The following DGKB variants were observed in gnomAD, a reference collection of about 807,000 sequenced individuals.
DGKB encodes diacylglycerol kinase beta, also known as 90 kDa diacylglycerol kinase.
In DGKB, 67 loss-of-function variants were observed where a neutral mutation model predicts 114.3. That is an observed-to-expected ratio of 0.59 (90% confidence interval 0.48 to 0.72). The LOEUF is 0.72. Ranked by LOEUF, DGKB falls within the 30% of genes least tolerant of loss-of-function variation. DGKB has a pLI of 0.00. For synonymous variants in DGKB, 398 were observed against 323.1 expected, an observed-to-expected ratio of 1.23 and a Z score of -2.49; for missense variants, 907 against 975.2, an observed-to-expected ratio of 0.93 and a Z score of 0.93.
chr7:14,458,096 G>C (rs558724476), intron 21 of DGKB, among the ~76,000 whole-genome samples: 2 of 152,174 alleles, frequency 1.3e-5, no homozygotes, highest in East Asian at 3.9e-4. Flanking sequence ...ATGCTCTAAA[G>C]ATTCTTTCTC....
At chr7:14,333,952 A>G (rs1220021923) in intron 23 of DGKB, among the ~76,000 whole-genome samples, 1 of 152,214 alleles carries the variant, frequency 6.6e-6, no homozygotes, top group African/African-American at 2.4e-5. Flanking sequence ...GCTTACACGC[A>G]GTTGTGAGCA....
intron 17 of DGKB, among the ~76,000 whole-genome samples, chr7:14,588,989 A>T (rs960396406): frequency 6.6e-6 from 1 of 152,108 alleles, no homozygotes; most frequent in Non-Finnish European, 1.5e-5. Context: ...GAGAAATAAC[A>T]CACGTATAAT....
intron 21 of DGKB, among the ~76,000 whole-genome samples, chr7:14,426,534 C>T (rs564770012): frequency 2.0e-5 from 3 of 152,062 alleles, no homozygotes; most frequent in African/African-American, 7.2e-5. Flanking sequence ...TATAAAGTGA[C>T]CAGACTAAAA....
At position 14,918,228 on chromosome 7, in the gene DGKB, T is replaced by C. The variant is rs959097279; in HGVS notation, c.-188+56468A>G. Among the ~76,000 whole-genome samples, 5 of 152,148 alleles carry C rather than the reference T, an allele frequency of 3.3e-5. 1 individual carries two copies. The South Asian group carries it at 1.0e-3, about 32-fold the overall frequency. On this transcript the variant is annotated intron_variant, in intron 1 of 4. Transcript: ENST00000437998. ...CTCCTCTTACCATTCTTACTCAACA[T>C]TGTACTAAAAGTTCTAGGTAACTTC...
intron 10 of DGKB, 66 bp downstream of exon 10, chr7:14,685,179 C>T (rs1207322538): frequency 9.8e-7 from 1 of 1,021,458 alleles, no homozygotes; most frequent in Non-Finnish European, 1.5e-6. Context: ...ACAAATAAGA[C>T]TATTCCATGA....
chr7:14,783,597 A>C (rs924164002), intron 2 of DGKB, among the ~76,000 whole-genome samples: 1 of 152,220 alleles, frequency 6.6e-6, no homozygotes, highest in Admixed American at 6.5e-5. Flanking sequence ...TATCTCAATA[A>C]ATTCTGCTCA....
intron 23 of DGKB, among the ~76,000 whole-genome samples, chr7:14,333,068 G>T (rs1431454089): frequency 1.3e-5 from 2 of 152,020 alleles, no homozygotes; most frequent in African/African-American, 2.4e-5. Context: ...TTTAAACAAA[G>T]CAACATTTTA....
At chr7:14,257,553 T>C (rs1307036467) in intron 23 of DGKB, among the ~76,000 whole-genome samples, 1 of 152,116 alleles carries the variant, frequency 6.6e-6, no homozygotes. Flanking sequence ...GTTACCCCCA[T>C]GCTGTTCTCG....
chr7:14,335,938 C>T (rs1810569590), intron 23 of DGKB, among the ~76,000 whole-genome samples: 10 of 152,004 alleles, frequency 6.6e-5, no homozygotes, highest in Admixed American at 6.6e-4. Context: ...TTCCTCCTTT[C>T]CCAGTATGTT....
intron 4 of DGKB, among the ~76,000 whole-genome samples, chr7:14,740,727 G>A (rs1393148104): frequency 6.6e-6 from 1 of 152,092 alleles, no homozygotes; most frequent in Non-Finnish European, 1.5e-5. Flanking sequence ...TAGGTGTAGG[G>A]AACTCAAAGG....
At chr7:14,336,785 C>A (rs984152046) in intron 23 of DGKB, among the ~76,000 whole-genome samples, 1 of 152,044 alleles carries the variant, frequency 6.6e-6, no homozygotes, top group African/African-American at 2.4e-5. Flanking sequence ...AGCTCCAGAG[C>A]GAGTGTACAG....
At chr7:14,957,516 T>G (rs1231713308) in intron 1 of DGKB, among the ~76,000 whole-genome samples, 2 of 152,038 alleles carry the variant, frequency 1.3e-5, no homozygotes, top group Non-Finnish European at 2.9e-5. Flanking sequence ...TACAGAAGTG[T>G]GCCACAATCA....
chr7:14,783,364 T>C (rs766832377), intron 2 of DGKB, among the ~76,000 whole-genome samples: 39 of 152,306 alleles, frequency 2.6e-4, no homozygotes, highest in Admixed American at 5.9e-4. Context: ...GGAAGAAATA[T>C]GTACTCCTGA....
At chr7:14,272,705 T>C (rs572299572) in intron 23 of DGKB, among the ~76,000 whole-genome samples, 1 of 152,200 alleles carries the variant, frequency 6.6e-6, no homozygotes, top group East Asian at 1.9e-4. Flanking sequence ...GAGACATACA[T>C]AAAAAAGTGA....
At chr7:14,778,313 T>A (rs560195655) in intron 2 of DGKB, among the ~76,000 whole-genome samples, 127 of 152,326 alleles carry the variant, frequency 8.3e-4, no homozygotes, top group Non-Finnish European at 1.6e-3. Context: ...CTGTATGCTA[T>A]ATTGCAGTCT....
At chr7:14,176,962 G>A in intron 24 of DGKB, 63 bp from the exon 25 acceptor site, 2 of 1,595,764 alleles carry the variant, frequency 1.3e-6, no homozygotes. Flanking sequence ...GACTATATGT[G>A]AGATATAAGA....
chr7:14,301,889 T>G lies in DGKB; in HGVS notation c.2122+36626A>C, dbSNP rs138392884. 6.6e-5 allele frequency among the ~76,000 whole-genome samples: 10 copies of G among 152,226 alleles called. No individual in the cohort carries two copies. In the East Asian group the frequency reaches 1.9e-3, roughly 30 times the overall value. On this transcript the variant is annotated intron_variant, in intron 23 of 25. Coordinates refer to ENST00000402815, the MANE Select transcript of DGKB (RefSeq NM_001350709.2). ...GACTCATGGGACTGAGTCCAGGGTCTACCAAAGTATGGGGCTTGGCAAATG... is the reference window on the plus strand; with the variant it reads ...GACTCATGGGACTGAGTCCAGGGTCGACCAAAGTATGGGGCTTGGCAAATG...
chr7:14,363,384 C>A (rs1178934832), intron 21 of DGKB, among the ~76,000 whole-genome samples: 5 of 152,002 alleles, frequency 3.3e-5, no homozygotes, highest in Non-Finnish European at 7.4e-5. Context: ...AGTATTCACA[C>A]AAATATTGTG....
intron 13 of DGKB, among the ~76,000 whole-genome samples, chr7:14,652,098 C>A (rs1453694735): frequency 8.1e-6 from 1 of 123,308 alleles, no homozygotes; most frequent in Non-Finnish European, 1.7e-5. Context: ...AGATTCAATG[C>A]CATCCCCATC....
Sources: allele counts gnomAD v4.1 joint callset (sites outside exome capture counted in the v4.1 genomes callset), GRCh38; gene constraint gnomAD v4.1.1; transcripts MANE v1.5; gene names NCBI Gene and HGNC (gene_info 2026-07-23, HGNC 2026-07-21).